Variants in TMEM178B observed in about 807,000 individuals in gnomAD.
The protein encoded by TMEM178B is transmembrane protein 178B.
A neutral mutation model predicts 31.0 loss-of-function variants in TMEM178B; 5 were observed. That is an observed-to-expected ratio of 0.16 (90% confidence interval 0.08 to 0.34). TMEM178B has a LOEUF of 0.34. TMEM178B is among the 10% of genes least tolerant of loss of function. The pLI, the probability that TMEM178B is intolerant of heterozygous loss-of-function variation, is 1.00. For missense variants in TMEM178B, 275 were observed against 400.3 expected (o/e 0.69, Z 2.67); for synonymous variants, 164 against 164.0 (o/e 1.00, Z 0.00).
rs151271879 is a variant in TMEM178B, at chr7:141,388,788, A to G, written c.497-48820A>G. 4.6e-3 allele frequency among the ~76,000 whole-genome samples: 703 copies of G among 152,346 alleles called. 5 individuals carry two copies. Among genetic ancestry groups the G allele is most frequent in the African/African-American group, 0.016 (656 of 41,582 alleles). On this transcript the variant is annotated intron_variant, in intron 2 of 3. Transcript: ENST00000565468. ...TATACACAGTTTGGGGCTGATTTAT[A>G]TAGGGTCAGAAGACTTACTCTCATT...
intron 2 of TMEM178B, among the ~76,000 whole-genome samples, chr7:141,278,345 G>T (rs1308687140): frequency 6.6e-6 from 1 of 152,206 alleles, no homozygotes; most frequent in Non-Finnish European, 1.5e-5. Context: ...ACTTTGGGAG[G>T]CCGAGGCCAG....
At chr7:141,460,141 A>T (rs1413296229) in intron 3 of TMEM178B, among the ~76,000 whole-genome samples, 1 of 152,182 alleles carries the variant, frequency 6.6e-6, no homozygotes, top group African/African-American at 2.4e-5. Context: ...CAGGGATGCT[A>T]TGACAAAATA....
intron 3 of TMEM178B, among the ~76,000 whole-genome samples, chr7:141,447,288 G>A (rs1801777139): frequency 6.6e-6 from 1 of 152,072 alleles, no homozygotes; most frequent in Non-Finnish European, 1.5e-5. Context: ...CCTATCAGTG[G>A]TGGTGATGTT....
intron 1 of TMEM178B, among the ~76,000 whole-genome samples, chr7:141,161,012 C>A (rs1366620962): frequency 1.3e-5 from 2 of 152,026 alleles, no homozygotes; most frequent in African/African-American, 4.8e-5. Context: ...CATGCACCAC[C>A]ATGCCTGGCT....
intron 1 of TMEM178B, among the ~76,000 whole-genome samples, chr7:141,198,662 A>G (rs1416751672): frequency 6.6e-6 from 1 of 151,902 alleles, no homozygotes; most frequent in Non-Finnish European, 1.5e-5. Context: ...TGCCTCCATC[A>G]CTGTCTCCCA....
At chr7:141,211,761 G>A (rs534052076) in intron 1 of TMEM178B, among the ~76,000 whole-genome samples, 10 of 152,274 alleles carry the variant, frequency 6.6e-5, no homozygotes, top group African/African-American at 2.2e-4. Context: ...GTTTCTCCAA[G>A]GCAGTGGTTC....
Position 141,436,789 on chromosome 7 carries a change from C to T in TMEM178B, c.497-819C>T, listed in dbSNP as rs1801551746. Among the ~76,000 whole-genome samples, 2 of 152,112 alleles carry T rather than the reference C, an allele frequency of 1.3e-5. 1 individual carries two copies. Among genetic ancestry groups the T allele is most frequent in the Non-Finnish European group, 2.9e-5 (2 of 68,012 alleles). ...CCATGGCAACAGCTCTGCCCTCTCC[C>T]TTCTGCTAAAAATACTGCCTTTCCA... On this transcript the variant is annotated intron_variant, in intron 2 of 3. Transcript: ENST00000565468.
chr7:141,212,821 G>T, intron 2 of TMEM178B, 117 bp downstream of exon 2: 2 of 797,098 alleles, frequency 2.5e-6, no homozygotes, highest in Non-Finnish European at 3.9e-6. Flanking sequence ...ACATTGAGAT[G>T]GTTCCATAAA....
chr7:141,321,311 C>G (rs1563150781), intron 2 of TMEM178B, among the ~76,000 whole-genome samples: 1 of 152,218 alleles, frequency 6.6e-6, no homozygotes, highest in African/African-American at 2.4e-5. Flanking sequence ...TGGCCTTTCT[C>G]AAAGCAGATT....
At chr7:141,388,576 T>A (rs1800474876) in intron 2 of TMEM178B, among the ~76,000 whole-genome samples, 1 of 152,208 alleles carries the variant, frequency 6.6e-6, no homozygotes, top group Admixed American at 6.5e-5. Context: ...GTCAGAAGAC[T>A]CAGGTTGTGA....
chr7:141,502,061 A>G, the TMEM178B span, among the ~76,000 whole-genome samples: 1 of 152,016 alleles, frequency 6.6e-6, no homozygotes, highest in Non-Finnish European at 1.5e-5. Flanking sequence ...TGTGCTCTTG[A>G]TCCGAACCCT....
chr7:141,137,457 A>C lies in TMEM178B; in HGVS notation c.382+62765A>C, dbSNP rs530214493. Among the ~76,000 whole-genome samples, 4 of 152,346 alleles carry C rather than the reference A, an allele frequency of 2.6e-5. No homozygotes were observed. In the South Asian group the frequency reaches 8.3e-4, roughly 32 times the overall value. On this transcript the variant is annotated intron_variant, in intron 1 of 3. Transcript: ENST00000565468. ...GTCATTATGTTAAGCAAAATAAGCC[A>C]GGCACAGGAAGACAAATATCACATG...
At chr7:141,156,152 C>T (rs569522307) in intron 1 of TMEM178B, among the ~76,000 whole-genome samples, 13 of 152,258 alleles carry the variant, frequency 8.5e-5, no homozygotes, top group African/African-American at 2.9e-4. Flanking sequence ...GTATTTCTAG[C>T]ATGATTCTGC....
At chr7:141,210,409 G>A (rs1215931138) in intron 1 of TMEM178B, among the ~76,000 whole-genome samples, 1 of 152,134 alleles carries the variant, frequency 6.6e-6, no homozygotes, top group Non-Finnish European at 1.5e-5. Flanking sequence ...GTTGTGGTGA[G>A]CCGAGATCGC....
intron 1 of TMEM178B, among the ~76,000 whole-genome samples, chr7:141,174,354 G>A (rs1796393216): frequency 6.6e-6 from 1 of 152,136 alleles, no homozygotes; most frequent in Admixed American, 6.5e-5. Flanking sequence ...TCTTAATCTA[G>A]TCTGTCATTG....
At chr7:141,183,772 A>G (rs1007183562) in intron 1 of TMEM178B, among the ~76,000 whole-genome samples, 1 of 152,210 alleles carries the variant, frequency 6.6e-6, no homozygotes, top group Middle Eastern at 3.2e-3. Flanking sequence ...ATGAATATGT[A>G]TATGATTATG....
chr7:141,433,398 G>T (rs959959120), intron 2 of TMEM178B, among the ~76,000 whole-genome samples: 1 of 152,300 alleles, frequency 6.6e-6, no homozygotes, highest in African/African-American at 2.4e-5. Flanking sequence ...ACTGACTTTA[G>T]ATTTGACTCT....
chr7:141,190,663 G>A (rs1312084762), intron 1 of TMEM178B, among the ~76,000 whole-genome samples: 1 of 152,092 alleles, frequency 6.6e-6, no homozygotes, highest in African/African-American at 2.4e-5. Context: ...TGGTCGTATG[G>A]GCACTTGACA....
At chr7:141,238,905 G>A (rs1301329868) in intron 2 of TMEM178B, among the ~76,000 whole-genome samples, 2 of 152,226 alleles carry the variant, frequency 1.3e-5, no homozygotes, top group Non-Finnish European at 2.9e-5. Context: ...CGTTAGCAAA[G>A]GGCTCTAACT....
Sources: allele counts gnomAD v4.1 joint callset (sites outside exome capture counted in the v4.1 genomes callset), GRCh38; gene constraint gnomAD v4.1.1; transcripts MANE v1.5; gene names NCBI Gene and HGNC (gene_info 2026-07-23, HGNC 2026-07-21).